AP3B1: variants seen among roughly 807,000 people sequenced by gnomAD.
AP3B1 encodes adaptor related protein complex 3 subunit beta 1, also known as AP-3 complex subunit beta-1.
AP3B1 carries 61 observed loss-of-function variants against 132.5 expected under a neutral mutation model. The ratio of observed to expected loss-of-function variants is 0.46; its 90% confidence interval spans 0.37 to 0.57. The LOEUF (loss-of-function observed/expected upper bound fraction) is 0.57, where lower values mean the gene tolerates loss of function less well. Ranked by LOEUF, AP3B1 falls within the 20% of genes least tolerant of loss-of-function variation. The pLI, the probability that AP3B1 is intolerant of heterozygous loss-of-function variation, is 0.00. For synonymous variants in AP3B1, 388 were observed against 438.3 expected, an observed-to-expected ratio of 0.89 and a Z score of 1.43; for missense variants, 1,120 against 1,289.4, an observed-to-expected ratio of 0.87 and a Z score of 2.01.
intron 22 of AP3B1, among the ~76,000 whole-genome samples, chr5:78,067,106 CA>C (rs1283486822): frequency 2.6e-4 from 40 of 152,102 alleles, no homozygotes; most frequent in African/African-American, 9.4e-4. Flanking sequence ...CAGAAAAAAG[CA>C]GGGGTTGAAA....
intron 22 of AP3B1, chr5:78,042,784 A>T (rs575317597): frequency 7.6e-5 from 12 of 156,964 alleles, no homozygotes; most frequent in African/African-American, 2.9e-4. Context: ...ATGGACACAG[A>T]GTTTGTTGTT....
At chr5:78,101,091 A>C in intron 20 of AP3B1, 66 bp from the exon 21 acceptor site, 1 of 982,612 alleles carries the variant, frequency 1.0e-6, no homozygotes, top group Non-Finnish European at 1.5e-6. Context: ...GTAGTCCTTA[A>C]TATTCCAAAA....
rs559271127 is a variant in AP3B1, at chr5:78,256,596, G to A, written c.204+10924C>T. 1.1e-3 allele frequency among the ~76,000 whole-genome samples: 162 copies of A among 152,158 alleles called. 1 individual carries two copies. The highest frequency in any genetic ancestry group is 3.0e-3 in the African/African-American group (124 of 41,540). On this transcript the variant is annotated intron_variant, in intron 2 of 26. Coordinates refer to ENST00000255194, the MANE Select transcript of AP3B1 (RefSeq NM_003664.5). ...TGCTAAATTCTACCAAACATTTAAA[G>A]AAGAATTAATATCAATCCTACTCAA...
chr5:78,124,497 C>G (rs1752380115), intron 17 of AP3B1, among the ~76,000 whole-genome samples: 1 of 152,130 alleles, frequency 6.6e-6, no homozygotes, highest in African/African-American at 2.4e-5. Context: ...ATGGCTTGAG[C>G]CCAGGAGTTT....
In AP3B1 at chr5:78,002,514, T is replaced by C; in HGVS notation, c.*388A>G. On this transcript the variant is annotated 3_prime_UTR_variant, in exon 27 of 27. Coordinates refer to ENST00000255194, the MANE Select transcript of AP3B1 (RefSeq NM_003664.5). The stretch of plus-strand genomic sequence containing the variant: ...CCAAGCTGAGAGGCCATTTAGACTA[T>C]CTCTTTGCTAATTTTTGCTTACTGC... The C allele has an allele frequency of 2.1e-6, 1 of 482,274 alleles. No homozygotes were observed. The highest frequency in any genetic ancestry group is 3.7e-5 in the Admixed American group (1 of 26,842). The allele number at this position is 482,274 out of a possible 1,614,324, so 29.9% of individuals were successfully genotyped here.
intron 22 of AP3B1, chr5:78,042,430 C>G (rs765707113): frequency 6.6e-6 from 1 of 152,168 alleles, no homozygotes; most frequent in Non-Finnish European, 1.5e-5. Flanking sequence ...GTGATGGTGT[C>G]TTGCTTTGCA....
At chr5:78,148,425 T>A (rs1753506790) in intron 14 of AP3B1, among the ~76,000 whole-genome samples, 1 of 152,160 alleles carries the variant, frequency 6.6e-6, no homozygotes, top group Non-Finnish European at 1.5e-5. Context: ...GGTTTTCACC[T>A]CAAGATAATT....
chr5:78,090,677 T>C (rs1446576638), intron 21 of AP3B1, among the ~76,000 whole-genome samples: 1 of 152,254 alleles, frequency 6.6e-6, no homozygotes, highest in African/African-American at 2.4e-5. Flanking sequence ...GAACAGACAA[T>C]AACATTAATT....
At chr5:78,113,706 C>T (rs1561415093) in intron 19 of AP3B1, 46 bp downstream of exon 19, 1 of 1,607,362 alleles carries the variant, frequency 6.2e-7, no homozygotes, top group Non-Finnish European at 8.5e-7. Flanking sequence ...CTGGGGCAAA[C>T]TTTCACAGAA....
intron 7 of AP3B1, among the ~76,000 whole-genome samples, chr5:78,197,636 GA>G (rs1203163944): frequency 6.6e-6 from 1 of 152,088 alleles, no homozygotes; most frequent in African/African-American, 2.4e-5. Flanking sequence ...GATACAGGGA[GA>G]CTTATTTTAT....
chr5:78,205,771 C>G (rs1333163828), intron 7 of AP3B1, among the ~76,000 whole-genome samples: 1 of 152,048 alleles, frequency 6.6e-6, no homozygotes, highest in Admixed American at 6.6e-5. Context: ...AAGCCCCATG[C>G]TAGACAAGTA....
chr5:78,114,993 ATGATT>A (rs2112262786), intron 18 of AP3B1, among the ~76,000 whole-genome samples: 1 of 152,350 alleles, frequency 6.6e-6, no homozygotes, highest in African/African-American at 2.4e-5. Flanking sequence ...TGAAGATTAA[ATGATT>A]TGAAACATAC....
In AP3B1 at chr5:78,002,888, C is replaced by T. The variant is rs1390030764; in HGVS notation, c.*14G>A. On this transcript the variant is annotated 3_prime_UTR_variant, in exon 27 of 27. Transcript: ENST00000255194. ...TTGTTGTGTGCCAGATTCTAAAGTCCAGATGTAAGCAGGTTACCCCTGAGA... is the reference window on the plus strand; with the variant it reads ...TTGTTGTGTGCCAGATTCTAAAGTCTAGATGTAAGCAGGTTACCCCTGAGA... 3.1e-6 allele frequency: 5 copies of T among 1,613,992 alleles called. No individual in the cohort carries two copies. In the African/African-American group the frequency reaches 6.7e-5, roughly 22 times the overall value.
intron 2 of AP3B1, among the ~76,000 whole-genome samples, chr5:78,255,740 G>A (rs1359453751): frequency 6.6e-6 from 1 of 151,982 alleles, no homozygotes; most frequent in Non-Finnish European, 1.5e-5. Flanking sequence ...AGACAAAAAT[G>A]AATCTAATAC....
chr5:78,047,181 T>A (rs1330110564), intron 22 of AP3B1, among the ~76,000 whole-genome samples: 2 of 152,230 alleles, frequency 1.3e-5, no homozygotes, highest in Non-Finnish European at 2.9e-5. Flanking sequence ...TATGTCTTTA[T>A]AGTAGAATGA....
At chr5:78,279,475 A>G (rs1290151594) in intron 1 of AP3B1, among the ~76,000 whole-genome samples, 1 of 151,906 alleles carries the variant, frequency 6.6e-6, no homozygotes, top group Non-Finnish European at 1.5e-5. Context: ...CTAAAATCAC[A>G]TGCCTTTTAT....
intron 14 of AP3B1, among the ~76,000 whole-genome samples, chr5:78,150,739 T>C (rs1298295103): frequency 3.9e-5 from 6 of 152,116 alleles, no homozygotes; most frequent in African/African-American, 1.4e-4. Context: ...TGGTAAGTGA[T>C]GGAGTTGGAA....
chr5:78,191,998 T>C (rs564686246), intron 7 of AP3B1, among the ~76,000 whole-genome samples: 2 of 151,950 alleles, frequency 1.3e-5, no homozygotes, highest in South Asian at 4.2e-4. Flanking sequence ...GTAGCTAGGG[T>C]TACAGGCATG....
intron 6 of AP3B1, among the ~76,000 whole-genome samples, chr5:78,216,904 T>C (rs773036231): frequency 7.9e-5 from 12 of 152,264 alleles, no homozygotes; most frequent in South Asian, 2.1e-4. Flanking sequence ...CCAACACCAG[T>C]TAATGAATCA....
Sources: allele counts gnomAD v4.1 joint callset (sites outside exome capture counted in the v4.1 genomes callset), GRCh38; gene constraint gnomAD v4.1.1; transcripts MANE v1.5; gene names NCBI Gene and HGNC (gene_info 2026-07-23, HGNC 2026-07-21).